The following RFX7 variants were observed in gnomAD, a reference collection of about 807,000 sequenced individuals.
The protein encoded by RFX7 is DNA-binding protein RFX7.
RFX7 carries 26 observed loss-of-function variants against 111.8 expected under a neutral mutation model. The ratio of observed to expected loss-of-function variants is 0.23; its 90% confidence interval spans 0.17 to 0.32. RFX7 has a LOEUF of 0.32. Ranked by LOEUF, RFX7 falls within the 10% of genes least tolerant of loss-of-function variation. The pLI is 1.00. For missense variants in RFX7, 1,573 were observed against 1,772.9 expected (o/e 0.89, Z 2.02); for synonymous variants, 624 against 624.4 (o/e 1.00, Z 0.01).
In RFX7 at chr15:56,098,137, T is replaced by C. The variant is rs755725415; in HGVS notation, c.1051A>G (p.Ile351Val). Residue 351 changes from isoleucine to valine, a missense_variant, in exon 9 of 10, where the codon ATC becomes GTC. Ile to Val is a conservative substitution (Grantham distance 29). Coordinates refer to ENST00000559447, the MANE Select transcript of RFX7 (RefSeq NM_022841.7). ...VTNLPNGNPS[I>V]LSPQPIGIVV... is the part of the protein sequence containing the mutation. Reference sequence around the variant, plus strand: ...ATACCAATAGGTTGAGGAGAAAGGATTGAAGGATTTCCATTAGGAAGATTA... The same window carrying C: ...ATACCAATAGGTTGAGGAGAAAGGACTGAAGGATTTCCATTAGGAAGATTA... 2.5e-6 allele frequency: 4 copies of C among 1,613,902 alleles called. No homozygotes were observed. In the Admixed American group the frequency reaches 5.0e-5, roughly 20 times the overall value.
chr15:56,151,759 A>C (rs1484423799), intron 3 of RFX7, among the ~76,000 whole-genome samples: 1 of 152,186 alleles, frequency 6.6e-6, no homozygotes, highest in African/African-American at 2.4e-5. Flanking sequence ...AAAGACACAG[A>C]CTGGCAAATT....
At position 56,093,353 on chromosome 15, in the gene RFX7, A is replaced by G. The variant is rs1406338145; in HGVS notation, c.4375T>C (p.Leu1459=). The G allele has an allele frequency of 1.2e-6, 2 of 1,605,600 alleles. No homozygotes were observed. The highest frequency in any genetic ancestry group is 1.7e-6 in the Non-Finnish European group (2 of 1,175,768). The change falls in exon 10 of 10, where the codon TTG becomes CTG. Residue 1459 remains leucine (L), a synonymous_variant. Coordinates refer to ENST00000559447, the MANE Select transcript of RFX7 (RefSeq NM_022841.7). ...ATGTTATAAAACACAATTTAACCCA[A>G]CATTTCAACAGTAGGATGGTCCTTG... is the stretch of plus-strand genomic sequence containing the variant. ...ESKDHPTVEM[L]G is the part of the protein sequence containing the mutation.
At chr15:56,173,664 C>T (rs2042870328) in intron 3 of RFX7, among the ~76,000 whole-genome samples, 1 of 151,920 alleles carries the variant, frequency 6.6e-6, no homozygotes, top group Non-Finnish European at 1.5e-5. Flanking sequence ...TACCTGTAAT[C>T]CCAGCTACTC....
chr15:56,108,040 G>A (rs1268428526), intron 5 of RFX7, among the ~76,000 whole-genome samples: 2 of 152,090 alleles, frequency 1.3e-5, no homozygotes, highest in African/African-American at 2.4e-5. Context: ...CCAATAACAC[G>A]TTCTGAAATT....
intron 2 of RFX7, among the ~76,000 whole-genome samples, chr15:56,230,083 T>A (rs1188558926): frequency 6.6e-6 from 1 of 151,824 alleles, no homozygotes; most frequent in Admixed American, 6.6e-5. Context: ...TAAAAAAAAA[T>A]AGCTCAAACC....
At chr15:56,233,158 G>C (rs1386980106) in intron 2 of RFX7, among the ~76,000 whole-genome samples, 1 of 152,310 alleles carries the variant, frequency 6.6e-6, no homozygotes. Context: ...TAAGGAAAAA[G>C]AGGTTTAATG....
chr15:56,101,414 G>A lies in RFX7; in HGVS notation c.756C>T (p.His252=). The change falls in exon 8 of 10, where the codon CAC becomes CAT. Residue 252 remains histidine (H), a synonymous_variant. Coordinates refer to ENST00000559447, the MANE Select transcript of RFX7 (RefSeq NM_022841.7). ...LELARFLVKS[H]YIGTKSMAAL... is the part of the protein sequence containing the mutation. Reference sequence around the variant, plus strand: ...CTGCCATTGACTTGGTGCCTATATAGTGACTTTTTACAAGGAAGCGGGCTA... The same window carrying A: ...CTGCCATTGACTTGGTGCCTATATAATGACTTTTTACAAGGAAGCGGGCTA... 1.2e-6 allele frequency: 2 copies of A among 1,611,166 alleles called. No homozygotes were observed. The highest frequency in any genetic ancestry group is 1.7e-6 in the Non-Finnish European group (2 of 1,178,780).
chr15:56,218,428 A>T (rs2043389686), intron 2 of RFX7, among the ~76,000 whole-genome samples: 1 of 151,982 alleles, frequency 6.6e-6, no homozygotes, highest in African/African-American at 2.4e-5. Flanking sequence ...CACCACACCC[A>T]GCCTAGAAAC....
chr15:56,123,341 G>T (rs189797692), intron 5 of RFX7, among the ~76,000 whole-genome samples: 1 of 152,176 alleles, frequency 6.6e-6, no homozygotes, highest in South Asian at 2.1e-4. Flanking sequence ...CTGGCCCAGG[G>T]TGTGTCTAGA....
At chr15:56,233,220 C>T (rs1449794708) in intron 2 of RFX7, among the ~76,000 whole-genome samples, 4 of 152,120 alleles carry the variant, frequency 2.6e-5, no homozygotes, top group Non-Finnish European at 4.4e-5. Flanking sequence ...GCAGGGAGGC[C>T]GCACAATCAT....
intron 2 of RFX7, among the ~76,000 whole-genome samples, chr15:56,222,843 A>G (rs1175621489): frequency 6.6e-6 from 1 of 151,570 alleles, no homozygotes; most frequent in Non-Finnish European, 1.5e-5. Context: ...CTGCTTCTTC[A>G]TTTGTTTAGT....
intron 2 of RFX7, among the ~76,000 whole-genome samples, chr15:56,190,906 G>A (rs1255095051): frequency 3.3e-5 from 5 of 152,152 alleles, no homozygotes; most frequent in African/African-American, 1.2e-4. Flanking sequence ...GGGAAGACAC[G>A]GCATTCAAGA....
intron 2 of RFX7, among the ~76,000 whole-genome samples, chr15:56,193,953 G>A (rs2043123196): frequency 6.6e-6 from 1 of 152,062 alleles, no homozygotes; most frequent in Admixed American, 6.5e-5. Context: ...AAAATACCAT[G>A]TAACATTTCC....
intron 3 of RFX7, among the ~76,000 whole-genome samples, chr15:56,174,782 T>A (rs182881811): frequency 0.019 from 2,811 of 149,274 alleles, 41 homozygotes; most frequent in African/African-American, 0.03. Context: ...ACTATGATTT[T>A]AAAAAAAAAA....
chr15:56,124,731 T>G (rs1447216737), intron 5 of RFX7, among the ~76,000 whole-genome samples: 1 of 152,232 alleles, frequency 6.6e-6, no homozygotes, highest in Non-Finnish European at 1.5e-5. Flanking sequence ...ATGTCTGAGT[T>G]CCTTGTACAT....
At chr15:56,107,296 C>CAAAAAAAAAAAAAAAAAAAAA (rs56077181) in intron 5 of RFX7, among the ~76,000 whole-genome samples, 1 of 32,146 alleles carries the variant, frequency 3.1e-5, no homozygotes, top group African/African-American at 1.1e-4. Context: ...GACTCCGTCT[C>CAAAAAAAAAAAAAAAAAAAAA]AAAAAAAAAA....
intron 3 of RFX7, among the ~76,000 whole-genome samples, chr15:56,145,651 C>T (rs1448014187): frequency 6.6e-6 from 1 of 152,152 alleles, no homozygotes; most frequent in Non-Finnish European, 1.5e-5. Flanking sequence ...CTTATCATCA[C>T]CTTCTTTTCT....
chr15:56,133,375 T>G (rs2042244315), intron 5 of RFX7, among the ~76,000 whole-genome samples: 1 of 152,134 alleles, frequency 6.6e-6, no homozygotes, highest in Admixed American at 6.6e-5. Flanking sequence ...GGGATTTTGC[T>G]TTTAATGACT....
intron 2 of RFX7, among the ~76,000 whole-genome samples, chr15:56,199,002 G>GA (rs200365866): frequency 4.1e-4 from 57 of 138,170 alleles, no homozygotes; most frequent in South Asian, 1.8e-3. Context: ...CTCTGACAAA[G>GA]AAAAAAAAAA....
Sources: gnomAD v4.1 joint callset for allele counts (sites outside exome capture counted in the v4.1 genomes callset) on GRCh38, gnomAD v4.1.1 for gene constraint, MANE v1.5 for transcripts, NCBI Gene and HGNC (gene_info 2026-07-23, HGNC 2026-07-21) for gene names.